Variants in ARHGAP6 observed in about 807,000 individuals in gnomAD.
The protein encoded by ARHGAP6 is rho GTPase-activating protein 6.
In ARHGAP6, 16 loss-of-function variants were observed where a neutral mutation model predicts 55.7. The ratio of observed to expected loss-of-function variants is 0.29; its 90% CI spans 0.19 to 0.44. The LOEUF is 0.44. Among genes scored for constraint, ARHGAP6 ranks in the 20% least tolerant of loss-of-function variants. The pLI, the probability that ARHGAP6 is intolerant of heterozygous loss-of-function variation, is 1.00. For synonymous variants in ARHGAP6, 382 were observed against 360.9 expected (o/e 1.06, Z -0.66); for missense variants, 698 against 808.9 (o/e 0.86, Z 1.66).
At chrX:11,352,763 G>A (rs1404266525) in intron 1 of ARHGAP6, among the ~76,000 whole-genome samples, 1 of 111,569 alleles carries the variant, frequency 9.0e-6, no homozygotes, top group Non-Finnish European at 1.9e-5. Flanking sequence ...AATCTGAAAT[G>A]AGGTAAGAGC....
At chrX:11,342,650 G>A (rs774563132) in intron 1 of ARHGAP6, among the ~76,000 whole-genome samples, 66 of 112,084 alleles carry the variant, frequency 5.9e-4, no homozygotes, top group African/African-American at 1.8e-3. Context: ...AATAAGGGAT[G>A]GGTACTCTTG....
intron 2 of ARHGAP6, among the ~76,000 whole-genome samples, chrX:11,211,229 T>G (rs1356307865): frequency 2.8e-5 from 3 of 107,758 alleles, no homozygotes; most frequent in African/African-American, 6.8e-5. Flanking sequence ...GCTGTTTTTT[T>G]TTTTTTTTTT....
At chrX:11,519,454 T>A (rs1330037993) in intron 1 of ARHGAP6, among the ~76,000 whole-genome samples, 4 of 106,336 alleles carry the variant, frequency 3.8e-5, no homozygotes, top group African/African-American at 1.5e-4. Flanking sequence ...TGTCTGTTCA[T>A]GTCCTTCGCC....
At chrX:11,531,675 G>A (rs2051051366) in intron 1 of ARHGAP6, among the ~76,000 whole-genome samples, 1 of 110,423 alleles carries the variant, frequency 9.1e-6, no homozygotes, top group Admixed American at 9.7e-5. Flanking sequence ...TTTGCAAGTT[G>A]TTGCTTTAAA....
intron 1 of ARHGAP6, among the ~76,000 whole-genome samples, chrX:11,376,652 A>G (rs772356013): frequency 8.9e-6 from 1 of 112,936 alleles, no homozygotes; most frequent in South Asian, 3.7e-4. Flanking sequence ...GTCATTTATT[A>G]TTGCATCAAT....
At chrX:11,591,727 G>A (rs1010919631) in intron 1 of ARHGAP6, among the ~76,000 whole-genome samples, 1 of 111,923 alleles carries the variant, frequency 8.9e-6, no homozygotes. Flanking sequence ...CATTTAAATG[G>A]ACATGATGGG....
chrX:11,548,617 TC>T (rs2051235111), intron 1 of ARHGAP6, among the ~76,000 whole-genome samples: 1 of 85,677 alleles, frequency 1.2e-5, no homozygotes, highest in Non-Finnish European at 2.2e-5. Context: ...GAAAAGTATT[TC>T]TTTTTTTTTT....
In ARHGAP6 at chrX:11,176,232, C is replaced by CATATATATATATAT. The variant is rs746195419; in HGVS notation, c.1629+1854_1629+1867dup. Among the ~76,000 whole-genome samples the CATATATATATATAT allele has an allele frequency of 1.0e-3, 24 of 23,913 alleles. No homozygotes were observed. The South Asian group carries it at 0.013, about 13-fold the overall frequency. 20.8% of individuals were successfully genotyped at this position (23,913 alleles called of 115,157 possible). Reference sequence around the variant, plus strand: ...CTCTTTTGCCTGTTAAGAGGATTTGCATATATATATATATATATATATATA... The same window carrying CATATATATATATAT: ...CTCTTTTGCCTGTTAAGAGGATTTGCATATATATATATATATATATATATATATATATATATATA... On this transcript the variant is annotated intron_variant, in intron 8 of 12. Coordinates refer to ENST00000337414, the MANE Select transcript of ARHGAP6 (RefSeq NM_013427.3).
intron 1 of ARHGAP6, among the ~76,000 whole-genome samples, chrX:11,580,134 A>T (rs182148827): frequency 8.9e-6 from 1 of 111,977 alleles, no homozygotes; most frequent in African/African-American, 3.2e-5. Flanking sequence ...ATCTATGAGG[A>T]TGATAGCTAC....
intron 1 of ARHGAP6, among the ~76,000 whole-genome samples, chrX:11,571,176 C>T (rs2051511107): frequency 8.9e-6 from 1 of 111,851 alleles, no homozygotes; most frequent in Non-Finnish European, 1.9e-5. Context: ...GTAATGGCAG[C>T]ACAAATGAAC....
intron 1 of ARHGAP6, among the ~76,000 whole-genome samples, chrX:11,304,990 T>C (rs925626072): frequency 9.2e-6 from 1 of 108,729 alleles, no homozygotes; most frequent in Non-Finnish European, 1.9e-5. Context: ...GGTTTTACCA[T>C]GTTGGCCAGG....
intron 1 of ARHGAP6, among the ~76,000 whole-genome samples, chrX:11,398,167 GTA>G (rs1377901568): frequency 9.5e-6 from 1 of 105,028 alleles, no homozygotes; most frequent in Non-Finnish European, 1.9e-5. Context: ...GATAATAATT[GTA>G]TATGTTTCCT....
chrX:11,308,013 A>T (rs1036653158), intron 1 of ARHGAP6, among the ~76,000 whole-genome samples: 1 of 112,548 alleles, frequency 8.9e-6, no homozygotes, highest in African/African-American at 3.2e-5. Context: ...AAACTAAATA[A>T]TTCGTATATA....
intron 1 of ARHGAP6, among the ~76,000 whole-genome samples, chrX:11,382,877 T>G (rs1193592617): frequency 1.8e-5 from 2 of 112,408 alleles, no homozygotes; most frequent in African/African-American, 6.5e-5. Flanking sequence ...TCAAAGCAGC[T>G]TATACGGACA....
intron 1 of ARHGAP6, among the ~76,000 whole-genome samples, chrX:11,546,893 A>T (rs2051216841): frequency 8.9e-6 from 1 of 112,129 alleles, no homozygotes; most frequent in South Asian, 3.7e-4. Flanking sequence ...GGAGAAAATA[A>T]CCTACCAAAT....
At chrX:11,515,083 C>T (rs183510368) in intron 1 of ARHGAP6, among the ~76,000 whole-genome samples, 82 of 111,903 alleles carry the variant, frequency 7.3e-4, no homozygotes, top group African/African-American at 2.7e-3. Context: ...TGTACACAGG[C>T]TCAGCAACAG....
At chrX:11,400,220 G>T (rs778115511) in intron 1 of ARHGAP6, among the ~76,000 whole-genome samples, 1 of 111,451 alleles carries the variant, frequency 9.0e-6, no homozygotes, top group South Asian at 3.8e-4. Context: ...GAATTTTATG[G>T]TATGTGAACT....
intron 1 of ARHGAP6, among the ~76,000 whole-genome samples, chrX:11,644,059 C>A (rs1300692395): frequency 1.8e-5 from 2 of 111,502 alleles, no homozygotes; most frequent in Non-Finnish European, 3.8e-5. Flanking sequence ...ACAACTTTAT[C>A]GTGGTCATAG....
chrX:11,325,715 A>C (rs1046281653), intron 1 of ARHGAP6, among the ~76,000 whole-genome samples: 1 of 112,337 alleles, frequency 8.9e-6, no homozygotes, highest in African/African-American at 3.2e-5. Context: ...TCCTAGACCA[A>C]ACTTATTTTT....
Sources: allele counts gnomAD v4.1 joint callset (sites outside exome capture counted in the v4.1 genomes callset), GRCh38; gene constraint gnomAD v4.1.1; transcripts MANE v1.5; gene names NCBI Gene and HGNC (gene_info 2026-07-23, HGNC 2026-07-21).